MICU3: variants seen among roughly 807,000 people sequenced by gnomAD.
MICU3 encodes mitochondrial calcium uptake 3.
In MICU3, 62 loss-of-function variants were observed where a neutral mutation model predicts 66.5. The observed-to-expected ratio is 0.93, with a 90% CI of 0.76 to 1.15. The LOEUF (loss-of-function observed/expected upper bound fraction) is 1.15. Ranked by LOEUF, MICU3 falls within the 50% of genes most tolerant of loss-of-function variation. The pLI, the probability that MICU3 is intolerant of heterozygous loss-of-function variation, is 0.00. For synonymous variants in MICU3, 308 were observed against 240.7 expected, an observed-to-expected ratio of 1.28 and a Z score of -2.59; for missense variants, 779 against 664.4, an observed-to-expected ratio of 1.17 and a Z score of -1.90.
At chr8:17,045,662 C>T (rs181597349) in intron 1 of MICU3, among the ~76,000 whole-genome samples, 237 of 152,344 alleles carry the variant, frequency 1.6e-3, no homozygotes, top group African/African-American at 5.3e-3. Flanking sequence ...CTATCCTACA[C>T]ATCTATATTA....
intron 11 of MICU3, among the ~76,000 whole-genome samples, chr8:17,106,839 G>C (rs1462415518): frequency 1.3e-5 from 2 of 151,288 alleles, no homozygotes; most frequent in Non-Finnish European, 2.9e-5. Context: ...CAGATACTTA[G>C]ACCGTTGTCC....
chr8:17,053,312 T>A (rs562461305), intron 1 of MICU3, among the ~76,000 whole-genome samples: 1 of 152,300 alleles, frequency 6.6e-6, no homozygotes, highest in East Asian at 1.9e-4. Flanking sequence ...AGTGAATCCT[T>A]TATCTGGCAT....
chr8:17,064,182 G>T lies in MICU3; in HGVS notation c.480G>T (p.Gln160His). The change falls in exon 2 of 15, where the codon CAG becomes CAT. Residue 160 changes from glutamine (Q) to histidine (H), a missense_variant. Transcript: ENST00000318063. ...TTGCTTCTATAGAATGTGAAGGGCA[G>T]TTATTCATGACTCCGTATGATTTTA... ...RLFASIECEGQLFMTPYDFIL... is the reference protein window; with the variant it reads ...RLFASIECEGHLFMTPYDFIL... 6.2e-7 allele frequency: 1 copy of T among 1,613,008 alleles called. No homozygotes were observed. The highest frequency in any genetic ancestry group is 8.5e-7 in the Non-Finnish European group (1 of 1,179,312).
At chr8:17,032,291 A>G (rs532466851) in intron 1 of MICU3, among the ~76,000 whole-genome samples, 166 of 152,336 alleles carry the variant, frequency 1.1e-3, no homozygotes, top group African/African-American at 3.8e-3. Flanking sequence ...TTATAAAGAG[A>G]TGATTCTGAT....
At chr8:17,029,429 T>C (rs1811626455) in intron 1 of MICU3, among the ~76,000 whole-genome samples, 1 of 152,080 alleles carries the variant, frequency 6.6e-6, no homozygotes, top group South Asian at 2.1e-4. Flanking sequence ...TGAGCCGAAA[T>C]CACACCTCTG....
the MICU3 span, among the ~76,000 whole-genome samples, chr8:17,128,677 A>G: frequency 4.3e-4 from 65 of 152,288 alleles, no homozygotes; most frequent in African/African-American, 1.5e-3. Context: ...AGAAGGGAAA[A>G]CTATGTGGTG....
At chr8:17,032,742 A>G (rs746150537) in intron 1 of MICU3, among the ~76,000 whole-genome samples, 1 of 152,206 alleles carries the variant, frequency 6.6e-6, no homozygotes, top group Non-Finnish European at 1.5e-5. Flanking sequence ...TGCTTCACAG[A>G]TACTGCATTT....
At chr8:17,131,968 C>T in the MICU3 span, 3 of 152,176 alleles carry the variant, frequency 2.0e-5, no homozygotes, top group South Asian at 2.1e-4. Flanking sequence ...ATACCTTCTA[C>T]GCACACTTGA....
chr8:17,087,458 T>G (rs192741667), intron 7 of MICU3, among the ~76,000 whole-genome samples: 20 of 152,188 alleles, frequency 1.3e-4, no homozygotes, highest in Non-Finnish European at 5.9e-5. Flanking sequence ...TTCTTAGATG[T>G]ATATATTAGA....
At chr8:17,073,450 C>A (rs1290391680) in intron 3 of MICU3, among the ~76,000 whole-genome samples, 2 of 152,018 alleles carry the variant, frequency 1.3e-5, no homozygotes, top group African/African-American at 4.8e-5. Flanking sequence ...TGTCTCCCAT[C>A]ACCCCCAGAT....
intron 9 of MICU3, among the ~76,000 whole-genome samples, chr8:17,103,299 A>G (rs1801437075): frequency 6.6e-6 from 1 of 152,048 alleles, no homozygotes; most frequent in Non-Finnish European, 1.5e-5. Context: ...AATTTAGTAT[A>G]TGGGTGAATG....
chr8:17,134,485 C>T, the MICU3 span, among the ~76,000 whole-genome samples: 2 of 143,918 alleles, frequency 1.4e-5, no homozygotes, highest in Non-Finnish European at 2.9e-5. Flanking sequence ...CACTCTGTCA[C>T]TCAGGCTGGA....
chr8:17,103,187 A>G (rs1186779689), intron 9 of MICU3, among the ~76,000 whole-genome samples: 1 of 151,908 alleles, frequency 6.6e-6, no homozygotes, highest in Non-Finnish European at 1.5e-5. Flanking sequence ...GATGTGGTCC[A>G]TGGAGAAAGG....
intron 11 of MICU3, among the ~76,000 whole-genome samples, chr8:17,106,554 T>TA (rs1278116038): frequency 1.3e-4 from 20 of 151,694 alleles, no homozygotes; most frequent in Non-Finnish European, 2.8e-4. Flanking sequence ...TGCTTTTTTT[T>TA]TTTTTTTTGC....
chr8:17,049,701 G>A, intron 1 of MICU3: 1 of 503,394 alleles, frequency 2.0e-6, no homozygotes, highest in East Asian at 5.9e-5. Flanking sequence ...GTTGTGTGTT[G>A]TAATACTGAA....
At chr8:17,033,706 G>A (rs1358223056) in intron 1 of MICU3, among the ~76,000 whole-genome samples, 1 of 152,034 alleles carries the variant, frequency 6.6e-6, no homozygotes, top group African/African-American at 2.4e-5. Context: ...CAAATTGCTG[G>A]GATTACAGTG....
At chr8:17,094,662 C>A (rs1800475454) in intron 8 of MICU3, among the ~76,000 whole-genome samples, 1 of 151,882 alleles carries the variant, frequency 6.6e-6, no homozygotes, top group Non-Finnish European at 1.5e-5. Flanking sequence ...AAAATGTCTA[C>A]CAGGTACTGA....
chr8:17,106,546 C>CTT (rs36068857), intron 11 of MICU3, among the ~76,000 whole-genome samples: 40 of 136,778 alleles, frequency 2.9e-4, no homozygotes, highest in Non-Finnish European at 1.3e-4. Flanking sequence ...CTTGAATCTG[C>CTT]TTTTTTTTTT....
At chr8:17,124,276 T>C (rs566291840), downstream of MICU3, among the ~76,000 whole-genome samples, 12 of 152,282 alleles carry the variant, frequency 7.9e-5, no homozygotes, top group South Asian at 1.7e-3. Context: ...CATCTTTCCC[T>C]AGAGTTGTTA....
Sources: allele counts gnomAD v4.1 joint callset (sites outside exome capture counted in the v4.1 genomes callset), GRCh38; gene constraint gnomAD v4.1.1; transcripts MANE v1.5; gene names NCBI Gene and HGNC (gene_info 2026-07-23, HGNC 2026-07-21).